The following FOXP2 variants were observed in gnomAD, a reference collection of about 807,000 sequenced individuals.
FOXP2 encodes forkhead box protein P2.
FOXP2 carries 12 observed loss-of-function variants against 115.8 expected under a neutral mutation model. The ratio of observed to expected loss-of-function variants is 0.10; its 90% CI spans 0.07 to 0.17. The LOEUF (loss-of-function observed/expected upper bound fraction) is 0.17, where lower values mean the gene tolerates loss of function less well. Ranked by LOEUF, FOXP2 falls within the 10% of genes least tolerant of loss-of-function variation. The pLI is 1.00. For synonymous variants in FOXP2, 328 were observed against 297.7 expected (o/e 1.10, Z -1.05); for missense variants, 629 against 843.5 (o/e 0.75, Z 3.15).
chr7:114,126,976 A>G (rs1437008993), intron 1 of FOXP2, among the ~76,000 whole-genome samples: 2 of 152,186 alleles, frequency 1.3e-5, no homozygotes, highest in East Asian at 3.8e-4. Flanking sequence ...TGGATATGGC[A>G]TGGCTAGGAC....
At chr7:114,264,105 T>C (rs1278627711) in intron 1 of FOXP2, among the ~76,000 whole-genome samples, 1 of 151,978 alleles carries the variant, frequency 6.6e-6, no homozygotes, top group Non-Finnish European at 1.5e-5. Flanking sequence ...GGCTGTGAGG[T>C]CAAAACTCTT....
upstream of FOXP2, among the ~76,000 whole-genome samples, chr7:114,161,458 A>G (rs1378987312): frequency 6.6e-6 from 1 of 152,052 alleles, no homozygotes; most frequent in Non-Finnish European, 1.5e-5. Flanking sequence ...CCTTTTGCCC[A>G]CATATATTTT....
chr7:114,454,313 T>A (rs1379451630), intron 2 of FOXP2, among the ~76,000 whole-genome samples: 8 of 152,034 alleles, frequency 5.3e-5, no homozygotes, highest in South Asian at 2.1e-4. Context: ...TCAAAACCAC[T>A]GTGAGATACC....
At chr7:114,469,812 A>G (rs918108205) in intron 2 of FOXP2, among the ~76,000 whole-genome samples, 6 of 152,218 alleles carry the variant, frequency 3.9e-5, no homozygotes, top group Non-Finnish European at 7.3e-5. Flanking sequence ...TAATAAAATG[A>G]AAGTAATTGT....
intron 2 of FOXP2, among the ~76,000 whole-genome samples, chr7:114,490,398 G>A (rs1056005950): frequency 1.1e-4 from 17 of 152,160 alleles, no homozygotes; most frequent in Non-Finnish European, 1.8e-4. Context: ...ATCAGTGATT[G>A]TCAGGGGCTC....
chr7:114,379,180 G>C (rs191420623), intron 2 of FOXP2, among the ~76,000 whole-genome samples: 9 of 152,246 alleles, frequency 5.9e-5, no homozygotes, highest in South Asian at 2.1e-4. Context: ...TTGCTGGCTC[G>C]AATGCCTGGG....
chr7:114,212,075 TAAATAAAATA>T (rs10607299), intron 1 of FOXP2, among the ~76,000 whole-genome samples: 1,843 of 134,644 alleles, frequency 0.014, 36 homozygotes, highest in African/African-American at 0.042. Flanking sequence ...GTTTCAAAAA[TAAATAAAATA>T]AAATAAAATA....
At chr7:114,410,876 A>G (rs1793145809), upstream of FOXP2, among the ~76,000 whole-genome samples, 5 of 149,984 alleles carry the variant, frequency 3.3e-5, no homozygotes, top group Admixed American at 3.3e-4. Flanking sequence ...GCAGTAGCCA[A>G]AAAAAAAAAG....
chr7:114,416,510 C>CAAAA (rs199885383), intron 1 of FOXP2: 1 of 59,276 alleles, frequency 1.7e-5, no homozygotes, highest in Non-Finnish European at 3.8e-5. Context: ...CCTCCGCGAC[C>CAAAA]AAAAAAAAAA....
intron 1 of FOXP2, among the ~76,000 whole-genome samples, chr7:114,212,122 A>AT (rs1554431720): frequency 7.6e-6 from 1 of 131,016 alleles, no homozygotes; most frequent in Non-Finnish European, 1.6e-5. Context: ...AATAAAATAA[A>AT]ATATATATAT....
At chr7:114,638,220 T>G (rs1805328473) in intron 6 of FOXP2, among the ~76,000 whole-genome samples, 1 of 152,160 alleles carries the variant, frequency 6.6e-6, no homozygotes, top group Admixed American at 6.6e-5. Context: ...ACTAGTGTAA[T>G]TATAAAGAGT....
At chr7:114,391,959 T>C (rs1194763854) in intron 2 of FOXP2, among the ~76,000 whole-genome samples, 1 of 152,174 alleles carries the variant, frequency 6.6e-6, no homozygotes, top group Non-Finnish European at 1.5e-5. Flanking sequence ...GTAAAATAAT[T>C]TCATTGCATT....
At chr7:114,231,066 C>T (rs982877109) in intron 1 of FOXP2, among the ~76,000 whole-genome samples, 2 of 151,310 alleles carry the variant, frequency 1.3e-5, no homozygotes, top group Non-Finnish European at 3.0e-5. Flanking sequence ...TATCAACATA[C>T]AAAAATTCAT....
intron 2 of FOXP2, among the ~76,000 whole-genome samples, chr7:114,321,274 C>A (rs1250119191): frequency 2.6e-5 from 4 of 151,886 alleles, no homozygotes; most frequent in Non-Finnish European, 5.9e-5. Context: ...TCTTGGCTCA[C>A]TGCAACCTCT....
chr7:114,677,480 C>A (rs1339614391), intron 16 of FOXP2, among the ~76,000 whole-genome samples: 1 of 152,040 alleles, frequency 6.6e-6, no homozygotes, highest in Non-Finnish European at 1.5e-5. Flanking sequence ...GTTTATAGAA[C>A]CTTTGACTTA....
chr7:114,237,994 T>A (rs546118225), intron 1 of FOXP2, among the ~76,000 whole-genome samples: 4 of 151,950 alleles, frequency 2.6e-5, no homozygotes, highest in African/African-American at 9.7e-5. Context: ...ACAAACAAAC[T>A]AACAAACACA....
chr7:114,360,502 G>C (rs919101656), intron 2 of FOXP2, among the ~76,000 whole-genome samples: 3 of 152,072 alleles, frequency 2.0e-5, no homozygotes, highest in Non-Finnish European at 4.4e-5. Context: ...ATTTTGTGGA[G>C]CCTTGTTGAT....
intron 2 of FOXP2, among the ~76,000 whole-genome samples, chr7:114,338,637 A>G (rs1369790126): frequency 6.6e-6 from 1 of 151,020 alleles, no homozygotes; most frequent in Non-Finnish European, 1.5e-5. Context: ...GATTAAGACA[A>G]AATTATTTAT....
chr7:114,306,152 G>A (rs1797009258), intron 2 of FOXP2, among the ~76,000 whole-genome samples: 1 of 152,118 alleles, frequency 6.6e-6, no homozygotes, highest in Admixed American at 6.6e-5. Flanking sequence ...GAGAGTACCA[G>A]GTCTGGTATT....
Sources: allele counts gnomAD v4.1 joint callset (sites outside exome capture counted in the v4.1 genomes callset), GRCh38; gene constraint gnomAD v4.1.1; transcripts MANE v1.5; gene names NCBI Gene and HGNC (gene_info 2026-07-23, HGNC 2026-07-21).